TRAK1: variants seen among roughly 807,000 people sequenced by gnomAD.
TRAK1 encodes the protein trafficking kinesin protein 1, also known as trafficking kinesin-binding protein 1.
TRAK1 carries 33 observed loss-of-function variants against 92.1 expected under a neutral mutation model. The observed-to-expected ratio is 0.36, with a 90% CI of 0.27 to 0.48. TRAK1 has a LOEUF of 0.48. TRAK1 is among the 20% of genes least tolerant of loss of function. The pLI, the probability that TRAK1 is intolerant of heterozygous loss-of-function variation, is 0.99. For synonymous variants in TRAK1, 521 were observed against 517.3 expected (o/e 1.01, Z -0.10); for missense variants, 1,123 against 1,257.9 (o/e 0.89, Z 1.62).
At chr3:42,133,528 T>G (rs1220808710) in intron 2 of TRAK1, among the ~76,000 whole-genome samples, 1 of 152,200 alleles carries the variant, frequency 6.6e-6, no homozygotes, top group Non-Finnish European at 1.5e-5. Flanking sequence ...GCTTCTTTTC[T>G]GTTCTTTGGT....
At chr3:42,220,826 A>C (rs895000646) in intron 15 of TRAK1, among the ~76,000 whole-genome samples, 3 of 152,194 alleles carry the variant, frequency 2.0e-5, no homozygotes, top group African/African-American at 4.8e-5. Flanking sequence ...GGGATCATAA[A>C]TATTAGCTTT....
intron 15 of TRAK1, among the ~76,000 whole-genome samples, 190 bp downstream of exon 15, chr3:42,219,786 G>GTTTTTTTTTTTTTT (rs397989334): frequency 9.4e-5 from 6 of 63,498 alleles, no homozygotes; most frequent in Admixed American, 2.4e-4. Flanking sequence ...GTTGTTATGT[G>GTTTTTTTTTTTTTT]TTTTTTTTTT....
At chr3:42,098,913 C>T (rs1706334714) in intron 1 of TRAK1, among the ~76,000 whole-genome samples, 1 of 151,976 alleles carries the variant, frequency 6.6e-6, no homozygotes, top group Admixed American at 6.6e-5. Context: ...ACCAGCGTTG[C>T]TGGAGCCAAA....
At chr3:42,107,505 C>T (rs1034168839) in intron 1 of TRAK1, among the ~76,000 whole-genome samples, 3 of 145,926 alleles carry the variant, frequency 2.1e-5, no homozygotes, top group East Asian at 2.0e-4. Flanking sequence ...AGCAAGACTC[C>T]GTTTCAAAAA....
chr3:42,160,178 T>C, intron 2 of TRAK1: 1 of 1,246,426 alleles, frequency 8.0e-7, no homozygotes, highest in Non-Finnish European at 1.0e-6. Context: ...CGGGTGATGC[T>C]GGGCCAGGAG....
intron 14 of TRAK1, chr3:42,212,554 TAAA>T: frequency 1.0e-6 from 1 of 977,536 alleles, no homozygotes; most frequent in Non-Finnish European, 1.2e-6. Context: ...TCCCATGTCT[TAAA>T]AAGGATGAAT....
intron 2 of TRAK1, among the ~76,000 whole-genome samples, chr3:42,166,953 G>A (rs1329482425): frequency 6.6e-6 from 1 of 152,188 alleles, no homozygotes; most frequent in Non-Finnish European, 1.5e-5. Flanking sequence ...CGGCCACAAG[G>A]CTGCCTGCAA....
chr3:42,156,547 C>T (rs1014590138), intron 2 of TRAK1, among the ~76,000 whole-genome samples: 1 of 151,938 alleles, frequency 6.6e-6, no homozygotes, highest in African/African-American at 2.4e-5. Context: ...AGGAAGAATC[C>T]GTGAGTCTAT....
chr3:42,197,002 TCACACACACACA>T (rs773977076), intron 10 of TRAK1, among the ~76,000 whole-genome samples: 7,716 of 103,592 alleles, frequency 0.074, 206 homozygotes, highest in Middle Eastern at 0.12. Context: ...TCTCTCTCTC[TCACACACACACA>T]CACACACACA....
intron 1 of TRAK1, among the ~76,000 whole-genome samples, chr3:42,120,423 TGGGC>T: frequency 6.7e-6 from 1 of 150,158 alleles, no homozygotes; most frequent in East Asian, 1.9e-4. Flanking sequence ...TCCTCCATGG[TGGGC>T]CGGCAGTGTC....
chr3:42,123,831 G>A (rs1024524276), intron 1 of TRAK1, among the ~76,000 whole-genome samples: 1 of 152,014 alleles, frequency 6.6e-6, no homozygotes, highest in African/African-American at 2.4e-5. Flanking sequence ...CGAGAACTTG[G>A]TACTGTGACT....
intron 2 of TRAK1, among the ~76,000 whole-genome samples, chr3:42,155,669 C>T (rs1700451034): frequency 6.6e-6 from 1 of 152,168 alleles, no homozygotes; most frequent in African/African-American, 2.4e-5. Context: ...CAGTGCTATC[C>T]AGTGAAGCTT....
intron 1 of TRAK1, among the ~76,000 whole-genome samples, chr3:42,121,385 T>C (rs557361509): frequency 1.3e-5 from 2 of 151,046 alleles, no homozygotes; most frequent in African/African-American, 4.9e-5. Flanking sequence ...TCAGCCTCCC[T>C]AGTAGCTGGG....
intron 1 of TRAK1, among the ~76,000 whole-genome samples, chr3:42,045,586 G>C (rs1702721699): frequency 6.6e-6 from 1 of 152,202 alleles, no homozygotes; most frequent in Non-Finnish European, 1.5e-5. Flanking sequence ...TGGTGGGTCA[G>C]CATGGATCCG....
chr3:42,070,169 A>G (rs1281442348), intron 1 of TRAK1, among the ~76,000 whole-genome samples: 1 of 151,450 alleles, frequency 6.6e-6, no homozygotes, highest in Non-Finnish European at 1.5e-5. Flanking sequence ...CTTTTGATTC[A>G]TGTTCCTGGG....
chr3:42,090,171 C>T (rs542762287), upstream of TRAK1, among the ~76,000 whole-genome samples: 80 of 152,238 alleles, frequency 5.3e-4, no homozygotes, highest in African/African-American at 1.8e-3. Context: ...AGGAGGGTGC[C>T]AGGCTGAACC....
At position 42,223,561 on chromosome 3, in the gene TRAK1, C is replaced by G. The variant is rs751943136; in HGVS notation, c.2686C>G (p.Leu896Val). ...AGGCCTGGTACCTGAGGGCCTGCCC[C>G]TCAGATGCCCCACTGTCACCAGTGC... Reference protein sequence around the residue: ...PRGLVPEGLPLRCPTVTSAIG... With the variant: ...PRGLVPEGLPVRCPTVTSAIG... The change falls in exon 16 of 16, where the codon CTC becomes GTC. Residue 896 changes from leucine to valine, a missense_variant. Leu to Val is a conservative substitution (Grantham distance 32, BLOSUM62 1). Coordinates refer to ENST00000327628, the MANE Select transcript of TRAK1 (RefSeq NM_001042646.3). This position sits in a 1 kb window ranked among gnomAD's most constrained non-coding sequence, Gnocchi z 6.1. 2.5e-6 allele frequency: 4 copies of G among 1,613,890 alleles called. No individual in the cohort carries two copies. The highest frequency in any genetic ancestry group is 2.5e-6 in the Non-Finnish European group (3 of 1,179,980).
chr3:42,032,480 G>GAAAA (rs57423237), intron 1 of TRAK1, among the ~76,000 whole-genome samples: 10,724 of 120,576 alleles, frequency 0.089, 1,433 homozygotes, highest in African/African-American at 0.28. Context: ...GGGTCAACCT[G>GAAAA]AAAAAAAAAA....
intron 1 of TRAK1, among the ~76,000 whole-genome samples, chr3:42,062,796 C>A (rs1703504626): frequency 6.6e-6 from 1 of 152,210 alleles, no homozygotes; most frequent in Non-Finnish European, 1.5e-5. Flanking sequence ...CAGTGCCTGA[C>A]ACTCCCTTGT....
Sources: allele counts gnomAD v4.1 joint callset (sites outside exome capture counted in the v4.1 genomes callset), GRCh38; gene constraint gnomAD v4.1.1; non-coding constraint Gnocchi (gnomAD v3.1); transcripts MANE v1.5; gene names NCBI Gene and HGNC (gene_info 2026-07-23, HGNC 2026-07-21).